The following TNXB variants were observed in gnomAD, a reference collection of about 807,000 sequenced individuals.
The protein encoded by TNXB is tenascin XB, also known as tenascin-X.
In TNXB, 183 loss-of-function variants were observed where a neutral mutation model predicts 340.5. The observed-to-expected ratio is 0.54, with a 90% CI of 0.48 to 0.61. The LOEUF (loss-of-function observed/expected upper bound fraction) is 0.61, where lower values mean the gene tolerates loss of function less well. TNXB is among the 20% of genes least tolerant of loss of function. The pLI is 0.00. For synonymous variants in TNXB, 2,121 were observed against 2,314.5 expected (o/e 0.92, Z 2.40); for missense variants, 4,613 against 5,446.4 (o/e 0.85, Z 4.82).
rs1374411753 is a variant in TNXB at position 32,079,489 on chromosome 6, G to A, written c.4043-124C>T. The stretch of plus-strand genomic sequence containing the variant: ...TCTGTAGCCTTTGTATTTGCCATTC[G>A]GTCACTCACGGATGGAGAAGGCTGA... On this transcript the variant is annotated intron_variant, in intron 10 of 43. Coordinates refer to ENST00000644971, the MANE Select transcript of TNXB (RefSeq NM_001365276.2). The surrounding 1 kb of genome is among the most constrained non-coding windows in gnomAD (Gnocchi z 7.1). 2.5e-6 allele frequency: 2 copies of A among 811,364 alleles called. No homozygotes were observed. The highest frequency in any genetic ancestry group is 3.8e-6 in the Non-Finnish European group (2 of 526,482). 50.3% of individuals were successfully genotyped at this position (811,364 alleles called of 1,614,324 possible).
rs866266669 is a variant in TNXB, at chr6:32,099,297, G to A, written c.-8-1091C>T. 1.6e-4 allele frequency among the ~76,000 whole-genome samples: 24 copies of A among 150,164 alleles called. 1 individual carries two copies. Among genetic ancestry groups the A allele is most frequent in the Admixed American group, 7.3e-4 (11 of 15,034 alleles). ...CGCCCAGGCTGGAGTGCAGTGGTGC[G>A]ATCTCGGCTCACTGCAACCTCTGTC... is the stretch of plus-strand genomic sequence containing the variant. On this transcript the variant is annotated intron_variant, in intron 1 of 43. Coordinates refer to ENST00000644971, the MANE Select transcript of TNXB (RefSeq NM_001365276.2).
rs1443210363 is a variant in TNXB at position 32,081,495 on chromosome 6, C to G, written c.3915G>C (p.Val1305=). The G allele has an allele frequency of 6.2e-7, 1 of 1,606,254 alleles. No homozygotes were observed. The highest frequency in any genetic ancestry group is 2.2e-5 in the East Asian group (1 of 44,728). The change falls in exon 10 of 44, where the codon GTG becomes GTC. Residue 1305 remains valine (V), a synonymous_variant. Coordinates refer to ENST00000644971, the MANE Select transcript of TNXB (RefSeq NM_001365276.2). The surrounding 1 kb of genome is among the most constrained non-coding windows in gnomAD (Gnocchi z 5.1). The part of the protein sequence containing the change: ...YKDAQGQPQA[V]PVAGDENEVT... ...CCTCATTCTCATCCCCCGCAACAGG[C>G]ACTGCCTGGGGCTGCCCCTGTGCAT... is the stretch of plus-strand genomic sequence containing the variant.
At position 32,084,459 on chromosome 6, in the gene TNXB, A is replaced by G. The variant is rs1214417372; in HGVS notation, c.3399T>C (p.Phe1133=). The change falls in exon 8 of 44, where the codon TTT becomes TTC. Residue 1133 remains phenylalanine (F), a synonymous_variant. Transcript: ENST00000644971. The surrounding 1 kb of genome is among the most constrained non-coding windows in gnomAD (Gnocchi z 5.5). The part of the protein sequence containing the change: ...GRKYKFVLYG[F]VGKKRHGPLV... ...GCGGACCATGCCTCTTCTTGCCAAC[A>G]AACCCATACAGGACAAATTTGTACT... 6.3e-7 allele frequency: 1 copy of G among 1,599,936 alleles called. No individual in the cohort carries two copies. Among genetic ancestry groups the G allele is most frequent in the East Asian group, 2.2e-5 (1 of 44,640 alleles).
intron 26 of TNXB, among the ~76,000 whole-genome samples, chr6:32,050,876 T>C (rs1777247046): frequency 6.6e-6 from 1 of 152,166 alleles, no homozygotes; most frequent in Non-Finnish European, 1.5e-5. Context: ...TCCCTGCCTC[T>C]AGGCTCCCTG....
At chr6:32,053,327 T>A in intron 25 of TNXB, 61 bp downstream of exon 25, 2 of 1,568,116 alleles carry the variant, frequency 1.3e-6, no homozygotes, top group South Asian at 1.2e-5. Flanking sequence ...AGTTCACCCA[T>A]CACCAGAGAA....
intron 1 of TNXB, among the ~76,000 whole-genome samples, chr6:32,106,184 A>G (rs961153305): frequency 6.6e-6 from 1 of 150,920 alleles, no homozygotes; most frequent in Non-Finnish European, 1.5e-5. Context: ...GATCTGGATG[A>G]CGGTTACCCA....
intron 1 of TNXB, among the ~76,000 whole-genome samples, chr6:32,099,958 A>C (rs376994445): frequency 4.6e-5 from 7 of 151,430 alleles, no homozygotes; most frequent in African/African-American, 1.2e-4. Flanking sequence ...AAAAAAAAAA[A>C]AAAAAAAAAA....
At position 32,089,254 on chromosome 6, in the gene TNXB, C is replaced by A; in HGVS notation, c.2484G>T (p.Trp828Cys). The A allele has an allele frequency of 6.2e-7, 1 of 1,606,214 alleles. No homozygotes were observed. Among genetic ancestry groups the A allele is most frequent in the Non-Finnish European group, 8.5e-7 (1 of 1,177,158 alleles). Residue 828 changes from tryptophan (W) to cysteine (C), a missense_variant, in exon 5 of 44, where the codon TGG becomes TGT. Physicochemically the swap from Trp to Cys is radical, Grantham distance 215. Coordinates refer to ENST00000644971, the MANE Select transcript of TNXB (RefSeq NM_001365276.2). The surrounding 1 kb of genome is among the most constrained non-coding windows in gnomAD (Gnocchi z 6.2). ...TGATGGTCTTGGAGGCAGGAAGGCC[C>A]CAGCTGGTCCCTCGAAGGGCTCGGA... is the stretch of plus-strand genomic sequence containing the variant. ...VTVRALRGTS[W>C]GLPASKTITT...
rs533688918 is a variant in TNXB, at chr6:32,042,724, C to T, written c.12033G>A (p.Pro4011=). 3.4e-4 allele frequency: 328 copies of T among 977,686 alleles called. 1 individual carries two copies. In the African/African-American group the frequency reaches 5.5e-3, roughly 17 times the overall value. The allele number at this position is 977,686 out of a possible 1,614,324, so 60.6% of individuals were successfully genotyped here. A position where few individuals can be genotyped will look rare whatever the true frequency, so the allele number is the denominator to read the frequency against. ...LQAMWGQSLL[P]PVSTSFTTGG... is the part of the protein sequence containing the mutation. ...CCGTGGTGAAAGAGGTGGACACGGG[C>T]GGCAGGAGGCTCTGGCCCCACATGG... is the stretch of plus-strand genomic sequence containing the variant. The change falls in exon 39 of 44, where the codon CCG becomes CCA. Residue 4011 remains proline (P), a synonymous_variant. Transcript: ENST00000644971.
In TNXB at chr6:32,048,349, C is replaced by T. The variant is rs751813570; in HGVS notation, c.10045+14G>A. 1 of 1,477,310 alleles carries T rather than the reference C, an allele frequency of 6.8e-7. No individual in the cohort carries two copies. 91.5% of individuals were successfully genotyped at this position (1,477,310 alleles called of 1,614,324 possible). The stretch of plus-strand genomic sequence containing the variant: ...GAAGGCTCTGGCCGCGGGAGGCCTC[C>T]AGCCCTCACTCACCGGTCCTGGCCT... On this transcript the variant is annotated intron_variant, in intron 29 of 43. Coordinates refer to ENST00000644971, the MANE Select transcript of TNXB (RefSeq NM_001365276.2).
At chr6:32,076,610 GACA>G (rs1779094636) in intron 11 of TNXB, among the ~76,000 whole-genome samples, 1 of 152,364 alleles carries the variant, frequency 6.6e-6, no homozygotes, top group Middle Eastern at 3.4e-3. Context: ...CTTTAACCGT[GACA>G]ACAAGCTGGG....
In TNXB at chr6:32,053,094, G is replaced by A. The variant is rs1340653036; in HGVS notation, c.8792-101C>T. 1.8e-5 allele frequency: 24 copies of A among 1,331,328 alleles called. No homozygotes were observed. In the South Asian group the frequency reaches 3.0e-4, roughly 17 times the overall value. The allele number at this position is 1,331,328 out of a possible 1,614,324, so 82.5% of individuals were successfully genotyped here. A position where few individuals can be genotyped will look rare whatever the true frequency, so the allele number is the denominator to read the frequency against. ...AGCTGTGGCCATGAGTGGGGGTCCT[G>A]GGGTCAGCTTGGAGAGGCCCATCTT... is the stretch of plus-strand genomic sequence containing the variant. On this transcript the variant is annotated intron_variant, in intron 25 of 43. Coordinates refer to ENST00000644971, the MANE Select transcript of TNXB (RefSeq NM_001365276.2).
rs552026297 is a variant in TNXB, at chr6:32,048,455, G to A, written c.9953C>T (p.Ser3318Leu). The A allele has an allele frequency of 3.8e-6, 6 of 1,589,694 alleles. No individual in the cohort carries two copies. Among genetic ancestry groups the A allele is most frequent in the African/African-American group, 2.7e-5 (2 of 74,666 alleles). Residue 3318 changes from serine (S) to leucine (L), a missense_variant, in exon 29 of 44, where the codon TCG becomes TTG. By Grantham distance (145) the Ser-to-Leu change is moderately radical (BLOSUM62 -2). Transcript: ENST00000644971. Reference protein sequence around the residue: ...VSGDLRAVAVSGLDPARKYKF... With the variant: ...VSGDLRAVAVLGLDPARKYKF... Reference sequence around the variant, plus strand: ...GTACTTGCGGGCCGGGTCCAGCCCCGAGACGGCGACCGCTCGGAGGTCTCC... The same window carrying A: ...GTACTTGCGGGCCGGGTCCAGCCCCAAGACGGCGACCGCTCGGAGGTCTCC...
chr6:32,046,071 C>T lies in TNXB; in HGVS notation c.10606+104G>A, dbSNP rs1352846562. On this transcript the variant is annotated intron_variant, in intron 31 of 43. Coordinates refer to ENST00000644971, the MANE Select transcript of TNXB (RefSeq NM_001365276.2). This position sits in a 1 kb window ranked among gnomAD's most constrained non-coding sequence, Gnocchi z 6.9. ...CCTTCCTGGGGACAGGCCAGGGCGC[C>T]CCACTCCGGCCTGCCCACTCCTGCA... The T allele has an allele frequency of 2.7e-6, 4 of 1,487,214 alleles. No individual in the cohort carries two copies. Among genetic ancestry groups the T allele is most frequent in the South Asian group, 2.8e-5 (2 of 72,404 alleles). The allele number at this position is 1,487,214 out of a possible 1,614,324, so 92.1% of individuals were successfully genotyped here.
chr6:32,069,063 C>T lies in TNXB; in HGVS notation c.5661G>A (p.Leu1887=), dbSNP rs775820600. The part of the protein sequence containing the change: ...PPAPEPHLGE[L]TVEEATSHTL... ...TGTGTGACGTGGCCTCCTCCACTGT[C>T]AACTCCCCGAGGTGGGGCTCAGGCG... The change falls in exon 16 of 44, where the codon TTG becomes TTA. Residue 1887 remains leucine (L), a synonymous_variant. Transcript: ENST00000644971. This position sits in a 1 kb window ranked among gnomAD's most constrained non-coding sequence, Gnocchi z 6.2. 1 of 1,612,814 alleles carries T rather than the reference C, an allele frequency of 6.2e-7. No homozygotes were observed. The highest frequency in any genetic ancestry group is 8.5e-7 in the Non-Finnish European group (1 of 1,179,864).
rs774295104 is a variant in TNXB at position 32,072,268 on chromosome 6, G to A, written c.4712C>T (p.Ala1571Val). 1 of 1,604,602 alleles carries A rather than the reference G, an allele frequency of 6.2e-7. No homozygotes were observed. Among genetic ancestry groups the A allele is most frequent in the East Asian group, 2.2e-5 (1 of 44,730 alleles). Residue 1571 changes from alanine (A) to valine (V), a missense_variant, in exon 13 of 44, where the codon GCC becomes GTC. Ala to Val is a moderately conservative substitution (Grantham distance 64). Around this residue, in one of 7 missense-constraint regions of TNXB, gnomAD observed 4,327 missense variants for 4,859.4 expected, o/e 0.89. Coordinates refer to ENST00000644971, the MANE Select transcript of TNXB (RefSeq NM_001365276.2). This position sits in a 1 kb window ranked among gnomAD's most constrained non-coding sequence, Gnocchi z 4.4. ...APLPPAPATE[A>V]SKPPLEPRLG... is the part of the protein sequence containing the mutation. ...GCGTGGCTCCAGGGGAGGCTTGGAG[G>A]CCTCTGTGGCTGGGGCTGGTGGGAG...
In TNXB at chr6:32,058,028, T is replaced by C. The variant is rs1777772765; in HGVS notation, c.7825+30A>G. 1 of 1,576,506 alleles carries C rather than the reference T, an allele frequency of 6.3e-7. No individual in the cohort carries two copies. The highest frequency in any genetic ancestry group is 1.9e-5 in the Admixed American group (1 of 53,158). On this transcript the variant is annotated intron_variant, in intron 22 of 43. Transcript: ENST00000644971. This position sits in a 1 kb window ranked among gnomAD's most constrained non-coding sequence, Gnocchi z 5.1. ...AAGGGCACATTTTCTAGGGCTGTCT[T>C]CCAACCCTGCCCCACCCACACTCAC...
At position 32,053,584 on chromosome 6, in the gene TNXB, C is replaced by T. The variant is rs1204471745; in HGVS notation, c.8595G>A (p.Met2865Ile). The T allele has an allele frequency of 6.2e-7, 1 of 1,613,586 alleles. No homozygotes were observed. Among genetic ancestry groups the T allele is most frequent in the South Asian group, 1.1e-5 (1 of 91,072 alleles). ...AGTGGTCAAACTGGCCCTCGGGGACCATCCAGGACAGGCTGAGGGAGTCAG... is the reference window on the plus strand; with the variant it reads ...AGTGGTCAAACTGGCCCTCGGGGACTATCCAGGACAGGCTGAGGGAGTCAG... ...ATPDSLSLSWMVPEGQFDHFL... is the reference protein window; with the variant it reads ...ATPDSLSLSWIVPEGQFDHFL... Residue 2865 changes from methionine to isoleucine, a missense_variant, in exon 25 of 44, where the codon ATG becomes ATA. Met to Ile is a conservative substitution (Grantham distance 10, BLOSUM62 1). Transcript: ENST00000644971.
chr6:32,060,309 G>A (rs1777928943), intron 21 of TNXB, among the ~76,000 whole-genome samples: 1 of 151,126 alleles, frequency 6.6e-6, no homozygotes, highest in Non-Finnish European at 1.5e-5. Flanking sequence ...TCCAGCCTGG[G>A]CGACAAGAGC....
Sources: gnomAD v4.1 joint callset for allele counts (sites outside exome capture counted in the v4.1 genomes callset) on GRCh38, gnomAD v4.1.1 for gene constraint, gnomAD v4.1.1 regional missense constraint, Gnocchi (gnomAD v3.1) non-coding constraint, MANE v1.5 for transcripts, NCBI Gene and HGNC (gene_info 2026-07-23, HGNC 2026-07-21) for gene names.